ERC1: variants seen among roughly 807,000 people sequenced by gnomAD.
The protein encoded by ERC1 is RAB6 interacting protein 2.
Under a neutral mutation model 132.0 loss-of-function variants are expected in ERC1, and 56 were observed. The ratio of observed to expected loss-of-function variants is 0.42; its 90% CI spans 0.34 to 0.53. ERC1 has a LOEUF of 0.53. Ranked by LOEUF, ERC1 falls within the 20% of genes least tolerant of loss-of-function variation. The probability of loss-of-function intolerance (pLI) is 0.03; values close to 1 mark genes in which losing one functional copy is unlikely to be tolerated. For missense variants in ERC1, 1,202 were observed against 1,349.9 expected, an observed-to-expected ratio of 0.89 and a Z score of 1.72; for synonymous variants, 478 against 476.1, an observed-to-expected ratio of 1.00 and a Z score of -0.05.
At chr12:1,030,311 C>T (rs1269876446) in intron 2 of ERC1, among the ~76,000 whole-genome samples, 1 of 152,218 alleles carries the variant, frequency 6.6e-6, no homozygotes, top group Non-Finnish European at 1.5e-5. Context: ...TTAAATGATA[C>T]TAAGAAGTAA....
intron 7 of ERC1, 55 bp downstream of exon 7, chr12:1,116,088 G>A: frequency 6.8e-7 from 1 of 1,478,978 alleles, no homozygotes; most frequent in Non-Finnish European, 9.3e-7. Flanking sequence ...CTTTTCATAA[G>A]CGTTACCTGT....
At chr12:1,101,436 G>C (rs968982942) in intron 3 of ERC1, among the ~76,000 whole-genome samples, 7 of 152,232 alleles carry the variant, frequency 4.6e-5, no homozygotes, top group African/African-American at 1.7e-4. Flanking sequence ...TCTGCTGTTG[G>C]TGTGTCTGGA....
At chr12:1,156,142 C>G (rs1211612235) in intron 8 of ERC1, among the ~76,000 whole-genome samples, 2 of 152,022 alleles carry the variant, frequency 1.3e-5, no homozygotes, top group African/African-American at 4.8e-5. Context: ...TAAAAAATAT[C>G]TACATGGTTT....
chr12:1,234,808 G>A (rs149997989), intron 12 of ERC1, among the ~76,000 whole-genome samples: 9 of 152,272 alleles, frequency 5.9e-5, no homozygotes, highest in East Asian at 1.9e-4. Flanking sequence ...AAGTGGCAAT[G>A]CATGTAAATA....
intron 14 of ERC1, among the ~76,000 whole-genome samples, chr12:1,267,580 G>A (rs986082173): frequency 2.0e-5 from 3 of 152,122 alleles, no homozygotes; most frequent in Admixed American, 1.3e-4. Flanking sequence ...ACGACAATGC[G>A]AGGCCTCGTC....
chr12:1,288,944 T>A (rs968934020), intron 14 of ERC1, among the ~76,000 whole-genome samples: 1 of 151,968 alleles, frequency 6.6e-6, no homozygotes, highest in Admixed American at 6.6e-5. Context: ...TCTCTTAGTT[T>A]CTTTTCCTTA....
At chr12:1,099,728 AAAT>A (rs1164222551) in intron 3 of ERC1, among the ~76,000 whole-genome samples, 2 of 152,074 alleles carry the variant, frequency 1.3e-5, no homozygotes, top group African/African-American at 4.8e-5. Context: ...AAACAGTTAT[AAAT>A]ACCAAGAAAA....
At chr12:1,143,879 T>C (rs1294011098) in intron 8 of ERC1, among the ~76,000 whole-genome samples, 1 of 151,886 alleles carries the variant, frequency 6.6e-6, no homozygotes, top group African/African-American at 2.4e-5. Flanking sequence ...TAACTGCTTG[T>C]TTTTTTTGTG....
intron 4 of ERC1, among the ~76,000 whole-genome samples, chr12:1,106,024 C>G (rs1222639674): frequency 1.3e-5 from 2 of 152,198 alleles, no homozygotes; most frequent in African/African-American, 2.4e-5. Context: ...ATTTAGAAAT[C>G]TTTAGGCTGT....
intron 18 of ERC1, among the ~76,000 whole-genome samples, chr12:1,482,624 T>G (rs1353434026): frequency 1.3e-5 from 2 of 152,044 alleles, no homozygotes; most frequent in South Asian, 2.1e-4. Context: ...TTTTTTTGTA[T>G]TTTTGATAGA....
intron 17 of ERC1, among the ~76,000 whole-genome samples, chr12:1,426,512 C>G (rs1300957874): frequency 3.3e-5 from 5 of 152,164 alleles, no homozygotes; most frequent in African/African-American, 4.8e-5. Context: ...GGGTTAGTCT[C>G]TTTTGTTAAA....
At chr12:1,445,222 A>ATTTTTTTT (rs137864873) in intron 18 of ERC1, among the ~76,000 whole-genome samples, 14 of 90,724 alleles carry the variant, frequency 1.5e-4, no homozygotes, top group African/African-American at 2.1e-4. Context: ...TGTACAGTAG[A>ATTTTTTTT]TTTTTTTTTT....
In ERC1 at chr12:1,353,295, A is replaced by G. The variant is rs545971955; in HGVS notation, c.2781-18538A>G. On this transcript the variant is annotated intron_variant, in intron 15 of 18. Transcript: ENST00000360905. ...TCCGCCTGCCTCGGCCTCCCAAAGT[A>G]CTGGGATTACAGGCGTGAGCCACCG... Among the ~76,000 whole-genome samples, 42 of 152,038 alleles carry G rather than the reference A, an allele frequency of 2.8e-4. 1 individual carries two copies. Among genetic ancestry groups the G allele is most frequent in the African/African-American group, 7.7e-4 (32 of 41,502 alleles).
chr12:1,028,096 GC>G lies in ERC1; in HGVS notation c.195del (p.Tyr66MetfsTer9), dbSNP rs1347051332. The G allele has an allele frequency of 1.2e-6, 2 of 1,614,174 alleles. No individual in the cohort carries two copies. Among genetic ancestry groups the G allele is most frequent in the African/African-American group, 2.7e-5 (2 of 75,020 alleles). On this transcript the variant is annotated frameshift_variant, in exon 2 of 19. Coordinates refer to ENST00000360905, the MANE Select transcript of ERC1 (RefSeq NM_178040.4). LOFTEE classifies it high-confidence loss of function. ...SMENIQSLNA[A>X]YATSGPMYLS... ...GGAAAATATACAATCTTTAAATGCT[GC>G]CTATGCCACCTCTGGCCCTATGTAT...
At chr12:1,226,595 C>G (rs1051716754) in intron 12 of ERC1, among the ~76,000 whole-genome samples, 1 of 152,194 alleles carries the variant, frequency 6.6e-6, no homozygotes, top group Non-Finnish European at 1.5e-5. Flanking sequence ...CTTTCCCAAC[C>G]CTCTAGAAAC....
rs374729288 is a variant in ERC1, at chr12:1,298,893, C to G, written c.2780+8881C>G. Among the ~76,000 whole-genome samples the G allele has an allele frequency of 4.6e-5, 7 of 152,030 alleles. No homozygotes were observed. In the South Asian group the frequency reaches 6.2e-4, roughly 14 times the overall value. On this transcript the variant is annotated intron_variant, in intron 15 of 18. Coordinates refer to ENST00000360905, the MANE Select transcript of ERC1 (RefSeq NM_178040.4). ...AGTAATCCTAAGAAACCTGGCATAGCTATATTAATATCAGACAAAGAGTAT... is the reference window on the plus strand; with the variant it reads ...AGTAATCCTAAGAAACCTGGCATAGGTATATTAATATCAGACAAAGAGTAT...
intron 1 of ERC1, among the ~76,000 whole-genome samples, chr12:1,003,096 C>CAAAAAAAAA (rs59507923): frequency 2.3e-5 from 2 of 86,920 alleles, no homozygotes; most frequent in Non-Finnish European, 4.0e-5. Context: ...ATGAAAAATG[C>CAAAAAAAAA]AAAAAAAAAA....
At chr12:1,247,183 T>C (rs73027438) in intron 13 of ERC1, among the ~76,000 whole-genome samples, 4,110 of 151,462 alleles carry the variant, frequency 0.027, 70 homozygotes, top group South Asian at 0.055. Context: ...AAGCCCTGTT[T>C]GCGCCACTGC....
chr12:1,132,347 T>C (rs573105614), intron 7 of ERC1, among the ~76,000 whole-genome samples: 2 of 152,314 alleles, frequency 1.3e-5, no homozygotes, highest in South Asian at 4.1e-4. Flanking sequence ...TTATATGAAA[T>C]ATTTTTTGTA....
Sources: allele counts gnomAD v4.1 joint callset (sites outside exome capture counted in the v4.1 genomes callset), GRCh38; gene constraint gnomAD v4.1.1; transcripts MANE v1.5; gene names NCBI Gene and HGNC (gene_info 2026-07-23, HGNC 2026-07-21).